The following PPM1A variants were observed in gnomAD, a reference collection of about 807,000 sequenced individuals.
PPM1A encodes protein phosphatase, Mg2+/Mn2+ dependent 1A.
A neutral mutation model predicts 35.0 loss-of-function variants in PPM1A; 7 were observed. That is an observed-to-expected ratio of 0.20 (90% CI 0.11 to 0.38). The LOEUF is 0.38. Ranked by LOEUF, PPM1A falls within the 10% of genes least tolerant of loss-of-function variation. PPM1A has a pLI of 1.00. For synonymous variants in PPM1A, 153 were observed against 167.3 expected, an observed-to-expected ratio of 0.91 and a Z score of 0.66; for missense variants, 239 against 467.8, an observed-to-expected ratio of 0.51 and a Z score of 4.51.
chr14:60,249,692 C>A lies in PPM1A; in HGVS notation c.-21+15C>A. ...GGCTGCTCCGGGTAAGTGCGGCGCTCGGGCCGACGGCGGGCTGGCGGGCGG... is the reference window on the plus strand; with the variant it reads ...GGCTGCTCCGGGTAAGTGCGGCGCTAGGGCCGACGGCGGGCTGGCGGGCGG... On this transcript the variant is annotated intron_variant, in intron 1 of 5. Transcript: ENST00000395076. This position sits in a 1 kb window ranked among gnomAD's most constrained non-coding sequence, Gnocchi z 4.5. 1 of 983,420 alleles carries A rather than the reference C, an allele frequency of 1.0e-6. No individual in the cohort carries two copies. Among genetic ancestry groups the A allele is most frequent in the South Asian group, 4.6e-5 (1 of 21,956 alleles). 60.9% of individuals were successfully genotyped at this position (983,420 alleles called of 1,614,324 possible).
In PPM1A at chr14:60,294,267, G is replaced by T. The variant is rs1887888848; in HGVS notation, c.*1785G>T. On this transcript the variant is annotated 3_prime_UTR_variant, in exon 6 of 6. Coordinates refer to ENST00000395076, the MANE Select transcript of PPM1A (RefSeq NM_021003.5). ...CATTATCCCTCTTATTTTGTGAGGT[G>T]ATTAAATGTAACTTAATTGTATTTA... The T allele has an allele frequency of 1.3e-5, 2 of 151,894 alleles. No individual in the cohort carries two copies. The highest frequency in any genetic ancestry group is 1.3e-4 in the Admixed American group (2 of 15,224). The allele number at this position is 151,894 out of a possible 1,614,324, so 9.4% of individuals were successfully genotyped here.
chr14:60,250,167 C>T (rs1882212727), intron 1 of PPM1A, among the ~76,000 whole-genome samples: 1 of 152,130 alleles, frequency 6.6e-6, no homozygotes, highest in African/African-American at 2.4e-5. Flanking sequence ...AAACCTAATT[C>T]TGTAGAAATT....
At chr14:60,251,849 G>T (rs1882462498) in intron 1 of PPM1A, among the ~76,000 whole-genome samples, 1 of 152,138 alleles carries the variant, frequency 6.6e-6, no homozygotes, top group African/African-American at 2.4e-5. Context: ...TGAGAGGAAG[G>T]AGGATGGAGA....
intron 3 of PPM1A, chr14:60,286,942 T>C: frequency 2.2e-6 from 2 of 893,528 alleles, no homozygotes; most frequent in African/African-American, 3.6e-5. Flanking sequence ...ATATAAGTTA[T>C]TTATAGGTAT....
rs1887863247 is a variant in PPM1A at position 60,293,931 on chromosome 14, G to T, written c.*1449G>T. The T allele has an allele frequency of 6.6e-6, 1 of 151,862 alleles. No homozygotes were observed. Among genetic ancestry groups the T allele is most frequent in the African/African-American group, 2.4e-5 (1 of 41,386 alleles). 9.4% of individuals were successfully genotyped at this position (151,862 alleles called of 1,614,324 possible). On this transcript the variant is annotated 3_prime_UTR_variant, in exon 6 of 6. Transcript: ENST00000395076. This position sits in a 1 kb window ranked among gnomAD's most constrained non-coding sequence, Gnocchi z 4.0. ...AATCTGTCGCATTGAAAAGATTACT[G>T]TTCCGTGCCCTTCTGTATTTTTGTC...
At chr14:60,250,686 T>C (rs1187073141) in intron 1 of PPM1A, among the ~76,000 whole-genome samples, 1 of 152,208 alleles carries the variant, frequency 6.6e-6, no homozygotes, top group South Asian at 2.1e-4. Flanking sequence ...GATTTTGACA[T>C]TATTGAGAGA....
intron 1 of PPM1A, among the ~76,000 whole-genome samples, chr14:60,271,895 T>C (rs972488368): frequency 2.6e-5 from 4 of 152,204 alleles, no homozygotes; most frequent in Non-Finnish European, 4.4e-5. Flanking sequence ...TTTTATACAT[T>C]TCTCAGAACA....
At position 60,282,581 on chromosome 14, in the gene PPM1A, G is replaced by T; in HGVS notation, c.-20-103G>T. 2.1e-6 allele frequency: 3 copies of T among 1,403,048 alleles called. No individual in the cohort carries two copies. The highest frequency in any genetic ancestry group is 2.9e-6 in the Non-Finnish European group (3 of 1,037,840). 86.9% of individuals were successfully genotyped at this position (1,403,048 alleles called of 1,614,324 possible). On this transcript the variant is annotated intron_variant, in intron 1 of 5. Coordinates refer to ENST00000395076, the MANE Select transcript of PPM1A (RefSeq NM_021003.5). This position sits in a 1 kb window ranked among gnomAD's most constrained non-coding sequence, Gnocchi z 5.1. ...CACAATGAATGTCTGCTTATCGCGAGTTGTGAATTCCCGCATATCTCTTTC... is the reference window on the plus strand; with the variant it reads ...CACAATGAATGTCTGCTTATCGCGATTTGTGAATTCCCGCATATCTCTTTC...
At chr14:60,285,212 C>T (rs1031274762) in intron 2 of PPM1A, among the ~76,000 whole-genome samples, 2 of 152,068 alleles carry the variant, frequency 1.3e-5, no homozygotes, top group Non-Finnish European at 2.9e-5. Context: ...CAGGTCAAAT[C>T]CTATTGTAAA....
At chr14:60,276,980 A>T in intron 1 of PPM1A, 2 of 991,660 alleles carry the variant, frequency 2.0e-6, no homozygotes, top group Non-Finnish European at 2.6e-6. Flanking sequence ...ATCAAATATT[A>T]ATTCAGTCTT....
chr14:60,251,546 C>T (rs1882415031), intron 1 of PPM1A, among the ~76,000 whole-genome samples: 1 of 152,198 alleles, frequency 6.6e-6, no homozygotes, highest in Non-Finnish European at 1.5e-5. Flanking sequence ...GTTTCAGCTT[C>T]CAAATCAGTA....
At chr14:60,258,858 T>C (rs536234561) in intron 1 of PPM1A, among the ~76,000 whole-genome samples, 2 of 152,210 alleles carry the variant, frequency 1.3e-5, no homozygotes, top group Non-Finnish European at 2.9e-5. Flanking sequence ...TCTTTCCTCC[T>C]GGATCTTAAA....
chr14:60,251,204 C>A (rs75537150), intron 1 of PPM1A, among the ~76,000 whole-genome samples: 2 of 152,220 alleles, frequency 1.3e-5, no homozygotes, highest in African/African-American at 4.8e-5. Context: ...TAATGAACTT[C>A]CTGCACATGG....
rs1162493396 is a variant in PPM1A at position 60,294,955 on chromosome 14, G to C, written c.*2473G>C. On this transcript the variant is annotated 3_prime_UTR_variant, in exon 6 of 6. Transcript: ENST00000395076. The stretch of plus-strand genomic sequence containing the variant: ...CCTGATTCCTGGAGGTAATAGTGGG[G>C]GGAAACCAACCATACTTTTTAAAGG... 1 of 151,622 alleles carries C rather than the reference G, an allele frequency of 6.6e-6. No individual in the cohort carries two copies. Among genetic ancestry groups the C allele is most frequent in the African/African-American group, 2.4e-5 (1 of 41,344 alleles). 9.4% of individuals were successfully genotyped at this position (151,622 alleles called of 1,614,324 possible). A position where few individuals can be genotyped will look rare whatever the true frequency, so the allele number is the denominator to read the frequency against.
At chr14:60,277,992 C>T (rs192682816) in intron 1 of PPM1A, among the ~76,000 whole-genome samples, 3 of 152,234 alleles carry the variant, frequency 2.0e-5, no homozygotes, top group Non-Finnish European at 4.4e-5. Context: ...CAGCAGATGA[C>T]TTAACCTCAC....
At chr14:60,251,613 A>T (rs747362008) in intron 1 of PPM1A, among the ~76,000 whole-genome samples, 20 of 152,032 alleles carry the variant, frequency 1.3e-4, no homozygotes, top group African/African-American at 2.7e-4. Context: ...ACATTTAAAA[A>T]TTTTTTTTTA....
chr14:60,255,023 C>T (rs1007956213), intron 1 of PPM1A, among the ~76,000 whole-genome samples: 1 of 152,144 alleles, frequency 6.6e-6, no homozygotes, highest in Non-Finnish European at 1.5e-5. Flanking sequence ...CTTTCCTTCT[C>T]CAGCTTTGGT....
At chr14:60,280,896 T>C (rs1347720607) in intron 1 of PPM1A, among the ~76,000 whole-genome samples, 2 of 152,160 alleles carry the variant, frequency 1.3e-5, no homozygotes, top group African/African-American at 4.8e-5. Flanking sequence ...TAGAGACCCA[T>C]TTTCTTAGGG....
Position 60,273,828 on chromosome 14 carries a change from C to T in PPM1A, c.-20-8856C>T, listed in dbSNP as rs1200575411. Among the ~76,000 whole-genome samples, 1 of 152,062 alleles carries T rather than the reference C, an allele frequency of 6.6e-6. No individual in the cohort carries two copies. Among genetic ancestry groups the T allele is most frequent in the Non-Finnish European group, 1.5e-5 (1 of 67,996 alleles). ...AGGTAGAGAGAGGTATCAAAGATAT[C>T]CTTAGTTTCTGTTTCTTTTTCTGAG... On this transcript the variant is annotated intron_variant, in intron 1 of 5. Coordinates refer to ENST00000395076, the MANE Select transcript of PPM1A (RefSeq NM_021003.5). The surrounding 1 kb of genome is among the most constrained non-coding windows in gnomAD (Gnocchi z 4.3).
Sources: gnomAD v4.1 joint callset for allele counts (sites outside exome capture counted in the v4.1 genomes callset) on GRCh38, gnomAD v4.1.1 for gene constraint, Gnocchi (gnomAD v3.1) non-coding constraint, MANE v1.5 for transcripts, NCBI Gene and HGNC (gene_info 2026-07-23, HGNC 2026-07-21) for gene names.